The following TAFA2 variants were observed in gnomAD, a reference collection of about 807,000 sequenced individuals.
The protein encoded by TAFA2 is TAFA chemokine like family member 2.
A neutral mutation model predicts 18.8 loss-of-function variants in TAFA2; 7 were observed. The ratio of observed to expected loss-of-function variants is 0.37; its 90% CI spans 0.21 to 0.70. TAFA2 has a LOEUF of 0.70. Among genes scored for constraint, TAFA2 ranks in the 30% least tolerant of loss-of-function variants. The pLI, the probability that TAFA2 is intolerant of heterozygous loss-of-function variation, is 0.53. For missense variants in TAFA2, 122 were observed against 158.1 expected, an observed-to-expected ratio of 0.77 and a Z score of 1.23; for synonymous variants, 60 against 54.2, an observed-to-expected ratio of 1.11 and a Z score of -0.47.
rs922437581 is a variant in TAFA2, at chr12:62,227,109, T to A, written c.-130+31654A>T. Among the ~76,000 whole-genome samples, 4 of 152,228 alleles carry A rather than the reference T, an allele frequency of 2.6e-5. No homozygotes were observed. The East Asian group carries it at 7.7e-4, about 29-fold the overall frequency. ...TTCATAATCCATTCCCCTTTCCTTATCCTCACTTTATTTCTTGTTATTCCA... is the reference window on the plus strand; with the variant it reads ...TTCATAATCCATTCCCCTTTCCTTAACCTCACTTTATTTCTTGTTATTCCA... On this transcript the variant is annotated intron_variant, in intron 1 of 5. Transcript: ENST00000551619.
At chr12:61,954,384 G>A (rs1878578972) in intron 1 of TAFA2, among the ~76,000 whole-genome samples, 2 of 152,124 alleles carry the variant, frequency 1.3e-5, no homozygotes, top group African/African-American at 2.4e-5. Context: ...TATTTTCAGG[G>A]GAGGGTAGAA....
At chr12:61,848,105 T>A (rs1439133953) in intron 2 of TAFA2, among the ~76,000 whole-genome samples, 3 of 152,186 alleles carry the variant, frequency 2.0e-5, no homozygotes, top group African/African-American at 7.2e-5. Flanking sequence ...AACAGCTCAC[T>A]TTTTTTCTAC....
chr12:62,171,125 G>A (rs1229222379), intron 1 of TAFA2, among the ~76,000 whole-genome samples: 3 of 151,700 alleles, frequency 2.0e-5, no homozygotes, highest in African/African-American at 4.8e-5. Flanking sequence ...TACCCTTGTT[G>A]TTATTATTTT....
chr12:61,915,691 T>G (rs2121352934), intron 1 of TAFA2, among the ~76,000 whole-genome samples: 1 of 152,278 alleles, frequency 6.6e-6, no homozygotes, highest in South Asian at 2.1e-4. Context: ...AGGGGAAGTT[T>G]AAGTCCCAGA....
chr12:62,019,670 TG>T (rs1592553424), intron 1 of TAFA2, among the ~76,000 whole-genome samples: 1 of 66,828 alleles, frequency 1.5e-5, no homozygotes, highest in African/African-American at 5.8e-5. Context: ...GGGACTGTTG[TG>T]GGGTGGGGGG....
At chr12:61,970,404 G>T (rs117218524) in intron 1 of TAFA2, among the ~76,000 whole-genome samples, 3 of 151,270 alleles carry the variant, frequency 2.0e-5, no homozygotes, top group Admixed American at 6.6e-5. Context: ...ATACAATGTC[G>T]GAAGCTATAA....
At chr12:62,189,738 A>T (rs2062609582) in intron 1 of TAFA2, among the ~76,000 whole-genome samples, 1 of 152,224 alleles carries the variant, frequency 6.6e-6, no homozygotes, top group Admixed American at 6.5e-5. Context: ...CTTAACTTAT[A>T]TGCCTAATAA....
chr12:61,933,749 T>C (rs1002563366), intron 1 of TAFA2, among the ~76,000 whole-genome samples: 1 of 152,190 alleles, frequency 6.6e-6, no homozygotes, highest in Non-Finnish European at 1.5e-5. Context: ...GCAGCTGTTG[T>C]AATGGTAATT....
intron 1 of TAFA2, among the ~76,000 whole-genome samples, chr12:61,882,625 T>C (rs186213472): frequency 2.0e-5 from 3 of 152,308 alleles, no homozygotes; most frequent in Admixed American, 2.0e-4. Context: ...GCTTCTTTCT[T>C]GGTATCGTCT....
At chr12:62,215,241 A>C (rs1316558489) in intron 1 of TAFA2, among the ~76,000 whole-genome samples, 1 of 152,170 alleles carries the variant, frequency 6.6e-6, no homozygotes, top group East Asian at 1.9e-4. Flanking sequence ...ATTTTTCACA[A>C]ATTGTTTATT....
rs765723487 is a variant in TAFA2, at chr12:61,756,704, A to G, written c.107-1680T>C. Among the ~76,000 whole-genome samples the G allele has an allele frequency of 2.0e-5, 3 of 152,114 alleles. No homozygotes were observed. In the East Asian group the frequency reaches 5.8e-4, roughly 29 times the overall value. The stretch of plus-strand genomic sequence containing the variant: ...CTCCTTGAAGAAAATACAGTAGAGT[A>G]GAGTAGAGTAACATGATTCAGAGTA... On this transcript the variant is annotated intron_variant, in intron 2 of 4. Coordinates refer to ENST00000416284, the MANE Select transcript of TAFA2 (RefSeq NM_178539.5).
intron 1 of TAFA2, among the ~76,000 whole-genome samples, chr12:62,228,853 G>A (rs1017861650): frequency 6.6e-6 from 1 of 152,038 alleles, no homozygotes; most frequent in Non-Finnish European, 1.5e-5. Context: ...TAATGAGTAT[G>A]GAATATCTTC....
At chr12:61,851,661 G>T (rs1873656213) in intron 2 of TAFA2, among the ~76,000 whole-genome samples, 1 of 151,022 alleles carries the variant, frequency 6.6e-6, no homozygotes, top group Non-Finnish European at 1.5e-5. Context: ...TATAGTCCCA[G>T]CAACTCCGGA....
chr12:61,758,846 A>T (rs748228914), intron 2 of TAFA2, among the ~76,000 whole-genome samples: 1 of 152,038 alleles, frequency 6.6e-6, no homozygotes, highest in African/African-American at 2.4e-5. Flanking sequence ...GATGTGAGTC[A>T]TGATGAGATT....
intron 4 of TAFA2, among the ~76,000 whole-genome samples, chr12:61,738,809 T>G (rs1189347408): frequency 6.6e-6 from 1 of 152,104 alleles, no homozygotes; most frequent in Non-Finnish European, 1.5e-5. Context: ...TCCAATGAAT[T>G]TGTGCTTTCT....
At chr12:62,219,995 A>T (rs953444202) in intron 1 of TAFA2, among the ~76,000 whole-genome samples, 5 of 152,310 alleles carry the variant, frequency 3.3e-5, no homozygotes, top group African/African-American at 1.2e-4. Flanking sequence ...TCTAGAAGAA[A>T]GTTATGGAGC....
intron 1 of TAFA2, among the ~76,000 whole-genome samples, chr12:61,957,754 G>C (rs1467626532): frequency 6.6e-6 from 1 of 152,034 alleles, no homozygotes; most frequent in Non-Finnish European, 1.5e-5. Flanking sequence ...CATGTTGCAT[G>C]GTTTTGAAAA....
At chr12:61,898,086 T>C (rs1302592882) in intron 1 of TAFA2, among the ~76,000 whole-genome samples, 2 of 152,166 alleles carry the variant, frequency 1.3e-5, no homozygotes, top group African/African-American at 4.8e-5. Context: ...TCCAAAACAA[T>C]CTTCTTCTAA....
intron 1 of TAFA2, among the ~76,000 whole-genome samples, chr12:62,211,529 A>C (rs1161646092): frequency 1.3e-5 from 2 of 151,404 alleles, no homozygotes; most frequent in Non-Finnish European, 2.9e-5. Context: ...GCAGTGAGCC[A>C]AGATTGTGCT....
Sources: allele counts gnomAD v4.1 joint callset (sites outside exome capture counted in the v4.1 genomes callset), GRCh38; gene constraint gnomAD v4.1.1; transcripts MANE v1.5; gene names NCBI Gene and HGNC (gene_info 2026-07-23, HGNC 2026-07-21).